DMRT1: variants seen among roughly 807,000 people sequenced by gnomAD.
DMRT1 encodes the protein doublesex and mab-3 related transcription factor 1.
DMRT1 carries 7 observed loss-of-function variants against 32.3 expected under a neutral mutation model. That is an observed-to-expected ratio of 0.22 (90% confidence interval 0.12 to 0.41). The LOEUF (loss-of-function observed/expected upper bound fraction) is 0.41. DMRT1 is among the 10% of genes least tolerant of loss of function. The probability of loss-of-function intolerance (pLI) is 1.00; values close to 1 mark genes in which losing one functional copy is unlikely to be tolerated. For synonymous variants in DMRT1, 278 were observed against 206.1 expected (o/e 1.35, Z -2.99); for missense variants, 625 against 500.5 (o/e 1.25, Z -2.37).
At chr9:922,389 C>T (rs757672571) in intron 4 of DMRT1, among the ~76,000 whole-genome samples, 34 of 152,056 alleles carry the variant, frequency 2.2e-4, no homozygotes, top group Non-Finnish European at 4.3e-4. Flanking sequence ...GCAAGCTGTT[C>T]GGGAAGTGGT....
intron 4 of DMRT1, among the ~76,000 whole-genome samples, chr9:927,846 A>G (rs903875334): frequency 6.6e-6 from 1 of 152,212 alleles, no homozygotes; most frequent in African/African-American, 2.4e-5. Context: ...TGAAGTGACC[A>G]TATTTGCCAT....
At chr9:867,882 T>C (rs11791254) in intron 2 of DMRT1, among the ~76,000 whole-genome samples, 1,919 of 152,390 alleles carry the variant, frequency 0.013, 18 homozygotes, top group Non-Finnish European at 0.019. Context: ...GTTATTAACA[T>C]ACTACATTTT....
chr9:909,073 C>G (rs1490207236), intron 3 of DMRT1, among the ~76,000 whole-genome samples: 1 of 152,116 alleles, frequency 6.6e-6, no homozygotes. Flanking sequence ...TCTTTCCTCC[C>G]TCTAGGAGGG....
intron 2 of DMRT1, among the ~76,000 whole-genome samples, chr9:870,003 A>G (rs765460904): frequency 1.3e-5 from 2 of 152,196 alleles, no homozygotes; most frequent in Non-Finnish European, 2.9e-5. Flanking sequence ...ACAGTTGAGC[A>G]CCCAGTTTGT....
chr9:929,103 TGTTA>T, intron 4 of DMRT1, among the ~76,000 whole-genome samples: 1 of 152,118 alleles, frequency 6.6e-6, no homozygotes, highest in South Asian at 2.1e-4. Flanking sequence ...CCTCCTAAAG[TGTTA>T]GGATTACAGG....
At chr9:891,337 A>G (rs528711647) in intron 2 of DMRT1, among the ~76,000 whole-genome samples, 10 of 151,932 alleles carry the variant, frequency 6.6e-5, no homozygotes, top group African/African-American at 2.4e-4. Flanking sequence ...TGTATTCCCA[A>G]TTACTTGGGC....
At chr9:935,156 G>A (rs1818845438) in intron 4 of DMRT1, among the ~76,000 whole-genome samples, 1 of 152,064 alleles carries the variant, frequency 6.6e-6, no homozygotes, top group Non-Finnish European at 1.5e-5. Context: ...AGTGACTAAT[G>A]GTAATTTTTA....
intron 2 of DMRT1, among the ~76,000 whole-genome samples, chr9:878,453 A>T (rs1816600781): frequency 6.6e-6 from 1 of 152,172 alleles, no homozygotes; most frequent in Non-Finnish European, 1.5e-5. Flanking sequence ...CGTTTAAAAT[A>T]GCCCTGTCAT....
intron 3 of DMRT1, among the ~76,000 whole-genome samples, chr9:906,466 A>G (rs1817781654): frequency 6.6e-6 from 1 of 152,188 alleles, no homozygotes; most frequent in African/African-American, 2.4e-5. Flanking sequence ...TTATTTTCCT[A>G]TACTGCTGAT....
At chr9:952,482 A>G (rs1819459694) in intron 4 of DMRT1, among the ~76,000 whole-genome samples, 1 of 152,222 alleles carries the variant, frequency 6.6e-6, no homozygotes, top group African/African-American at 2.4e-5. Context: ...GTGCAATTGG[A>G]CTAACATTTC....
intron 3 of DMRT1, among the ~76,000 whole-genome samples, chr9:907,044 T>C (rs1006089701): frequency 1.3e-5 from 2 of 152,180 alleles, no homozygotes; most frequent in African/African-American, 4.8e-5. Context: ...GTTAATCTTA[T>C]CGTCAGTAAC....
chr9:856,843 A>T (rs1250277935), intron 2 of DMRT1, among the ~76,000 whole-genome samples: 1 of 152,242 alleles, frequency 6.6e-6, no homozygotes, highest in Non-Finnish European at 1.5e-5. Flanking sequence ...ACTATTTTAC[A>T]TTCCTACCGA....
At chr9:922,574 C>T (rs10121226) in intron 4 of DMRT1, among the ~76,000 whole-genome samples, 86,803 of 152,032 alleles carry the variant, frequency 0.57, 26,808 homozygotes, top group South Asian at 0.71. Context: ...TGCTGGAGTA[C>T]GTGGTTGGTC....
At chr9:943,961 G>T (rs1819159809) in intron 4 of DMRT1, among the ~76,000 whole-genome samples, 1 of 152,184 alleles carries the variant, frequency 6.6e-6, no homozygotes, top group South Asian at 2.1e-4. Flanking sequence ...TTGGAGTGGG[G>T]CAGCATTGCA....
At chr9:862,721 G>A (rs921291131) in intron 2 of DMRT1, among the ~76,000 whole-genome samples, 1 of 152,118 alleles carries the variant, frequency 6.6e-6, no homozygotes, top group Non-Finnish European at 1.5e-5. Flanking sequence ...CTGGGGGTAC[G>A]TTGAAGTGTA....
intron 3 of DMRT1, among the ~76,000 whole-genome samples, chr9:913,074 T>C (rs1348887275): frequency 6.6e-6 from 1 of 152,198 alleles, no homozygotes; most frequent in Non-Finnish European, 1.5e-5. Flanking sequence ...TGACACCTGC[T>C]ATAGACTCAT....
At chr9:955,735 C>T (rs1474703623) in intron 4 of DMRT1, among the ~76,000 whole-genome samples, 4 of 152,302 alleles carry the variant, frequency 2.6e-5, no homozygotes, top group East Asian at 3.9e-4. Context: ...CTAAATCCTG[C>T]GTTTCACACC....
chr9:857,522 A>G lies in DMRT1; in HGVS notation c.538+10379A>G, dbSNP rs115339296. ...TATTGGTATCTATAGGAAGGGCTAA[A>G]GTAACATTTTGGACTTTGGGTGACA... On this transcript the variant is annotated intron_variant, in intron 2 of 4. Transcript: ENST00000382276. 7.1e-3 allele frequency among the ~76,000 whole-genome samples: 1,079 copies of G among 152,274 alleles called. 10 individuals carry two copies. Among genetic ancestry groups the G allele is most frequent in the African/African-American group, 0.025 (1,041 of 41,558 alleles).
At chr9:893,788 T>TAA (rs753276271) in intron 2 of DMRT1, 124 bp from the exon 3 acceptor site, 2 of 860,062 alleles carry the variant, frequency 2.3e-6, no homozygotes, top group Non-Finnish European at 3.7e-6. Context: ...AAGCAACAGA[T>TAA]GGTTTTGTCT....
Sources: allele counts gnomAD v4.1 joint callset (sites outside exome capture counted in the v4.1 genomes callset), GRCh38; gene constraint gnomAD v4.1.1; transcripts MANE v1.5; gene names NCBI Gene and HGNC (gene_info 2026-07-23, HGNC 2026-07-21).